The following MYO3A variants were observed in gnomAD, a reference collection of about 807,000 sequenced individuals.
MYO3A encodes the protein myosin-IIIa.
A neutral mutation model predicts 192.7 loss-of-function variants in MYO3A; 180 were observed. That is an observed-to-expected ratio of 0.93 (90% confidence interval 0.83 to 1.06). The LOEUF (loss-of-function observed/expected upper bound fraction) is 1.06, where lower values mean the gene tolerates loss of function less well. MYO3A is among the 50% of genes least tolerant of loss of function. MYO3A has a pLI of 0.00. For missense variants in MYO3A, 1,896 were observed against 1,905.0 expected, an observed-to-expected ratio of 1.00 and a Z score of 0.09; for synonymous variants, 628 against 645.3, an observed-to-expected ratio of 0.97 and a Z score of 0.41.
At chr10:25,936,702 T>A (rs1290587015) in intron 2 of MYO3A, among the ~76,000 whole-genome samples, 1 of 152,228 alleles carries the variant, frequency 6.6e-6, no homozygotes, top group African/African-American at 2.4e-5. Context: ...TAAAATCATC[T>A]ATCATTGGAC....
At chr10:26,092,790 C>T (rs915199487) in intron 15 of MYO3A, among the ~76,000 whole-genome samples, 8 of 152,158 alleles carry the variant, frequency 5.3e-5, no homozygotes, top group Non-Finnish European at 7.3e-5. Flanking sequence ...CCATGTCTGT[C>T]CCCAGGCGGT....
At chr10:26,105,383 T>G (rs896917777) in intron 17 of MYO3A, among the ~76,000 whole-genome samples, 12 of 152,176 alleles carry the variant, frequency 7.9e-5, no homozygotes, top group African/African-American at 2.9e-4. Context: ...TGTTGTGGCT[T>G]TTTAAATATT....
chr10:25,988,907 C>T (rs1328452282), intron 4 of MYO3A, among the ~76,000 whole-genome samples: 1 of 136,542 alleles, frequency 7.3e-6, no homozygotes, highest in East Asian at 2.1e-4. Context: ...CCCTACAGTG[C>T]TTTTAGAAGT....
At chr10:26,113,902 T>C (rs1521034) in intron 17 of MYO3A, among the ~76,000 whole-genome samples, 73,051 of 152,054 alleles carry the variant, frequency 0.48, 18,265 homozygotes, top group Middle Eastern at 0.59. Flanking sequence ...TCCTTCTAGT[T>C]TCTGCAGATT....
intron 15 of MYO3A, 81 bp from the exon 16 acceptor site, chr10:26,096,300 G>T (rs1588947424): frequency 9.3e-7 from 1 of 1,076,562 alleles, no homozygotes; most frequent in Non-Finnish European, 1.4e-6. Flanking sequence ...CACAGTCGTT[G>T]TTCAAATAAT....
At chr10:26,175,220 A>G (rs1282359797) in intron 30 of MYO3A, among the ~76,000 whole-genome samples, 2 of 152,168 alleles carry the variant, frequency 1.3e-5, no homozygotes, top group African/African-American at 4.8e-5. Context: ...GATACATACA[A>G]TTTATCTCTG....
At position 26,212,032 on chromosome 10, in the gene MYO3A, C is replaced by T; in HGVS notation, c.*69C>T. The T allele has an allele frequency of 6.4e-7, 1 of 1,563,464 alleles. No individual in the cohort carries two copies. Among genetic ancestry groups the T allele is most frequent in the South Asian group, 1.2e-5 (1 of 85,830 alleles). On this transcript the variant is annotated 3_prime_UTR_variant, in exon 35 of 35. Transcript: ENST00000642920. ...TGCGGGGCAGCAGGGGCCAAGCAGG[C>T]ACTCTGGGGCTGGCACCAGCAGGCA...
intron 17 of MYO3A, among the ~76,000 whole-genome samples, chr10:26,103,920 G>A (rs188180324): frequency 1.3e-5 from 2 of 152,256 alleles, no homozygotes; most frequent in Admixed American, 6.5e-5. Flanking sequence ...GAGGGTTTGG[G>A]TGAATTTACC....
chr10:26,016,804 T>C lies in MYO3A; in HGVS notation c.509-16T>C, dbSNP rs117238740. ...AGTAATTAATGCAAAAAAGTACATC[T>C]TGTCTCTTCCTCTAGGTGTGTCTGC... On this transcript the variant is annotated splice_polypyrimidine_tract_variant and intron_variant, in intron 6 of 34. Coordinates refer to ENST00000642920, the MANE Select transcript of MYO3A (RefSeq NM_017433.5). 23,719 of 1,613,060 alleles carry C rather than the reference T, an allele frequency of 0.015. 218 individuals are homozygous for C. Among genetic ancestry groups the C allele is most frequent in the Non-Finnish European group, 0.018 (20,900 of 1,179,002 alleles).
At chr10:26,042,825 G>C (rs1272071020) in intron 10 of MYO3A, among the ~76,000 whole-genome samples, 1 of 152,154 alleles carries the variant, frequency 6.6e-6, no homozygotes, top group Non-Finnish European at 1.5e-5. Flanking sequence ...GACTTACTTA[G>C]TTTATTTGGT....
chr10:25,997,867 G>C (rs1840551541), intron 6 of MYO3A, among the ~76,000 whole-genome samples: 1 of 152,144 alleles, frequency 6.6e-6, no homozygotes, highest in African/African-American at 2.4e-5. Flanking sequence ...ATCAACTTTG[G>C]AGCCTACCTT....
chr10:26,003,859 A>G (rs889351274), intron 6 of MYO3A, among the ~76,000 whole-genome samples: 6 of 152,142 alleles, frequency 3.9e-5, no homozygotes, highest in Non-Finnish European at 7.3e-5. Flanking sequence ...ATGACAGAAT[A>G]TTTTATGGTT....
intron 4 of MYO3A, among the ~76,000 whole-genome samples, chr10:25,957,149 G>A (rs1328034465): frequency 6.6e-6 from 1 of 152,100 alleles, no homozygotes; most frequent in Admixed American, 6.6e-5. Flanking sequence ...CATTGATAAG[G>A]TTTGGCTGTG....
At chr10:25,979,399 TTTC>T (rs1352285898) in intron 4 of MYO3A, among the ~76,000 whole-genome samples, 1 of 151,132 alleles carries the variant, frequency 6.6e-6, no homozygotes, top group Admixed American at 6.6e-5. Flanking sequence ...GAGAAAAGCT[TTTC>T]TTCTATTACC....
At chr10:26,030,963 A>G (rs192593456) in intron 10 of MYO3A, among the ~76,000 whole-genome samples, 1 of 152,330 alleles carries the variant, frequency 6.6e-6, no homozygotes, top group East Asian at 1.9e-4. Flanking sequence ...TACACTCCTC[A>G]AAAAACGGGA....
chr10:25,936,936 G>C (rs1836115011), intron 2 of MYO3A, among the ~76,000 whole-genome samples: 1 of 151,848 alleles, frequency 6.6e-6, no homozygotes, highest in Admixed American at 6.6e-5. Flanking sequence ...TGATATCTGA[G>C]GGTGATTAGA....
chr10:26,073,816 A>G (rs1049971770), intron 14 of MYO3A, among the ~76,000 whole-genome samples: 1 of 152,092 alleles, frequency 6.6e-6, no homozygotes, highest in East Asian at 1.9e-4. Context: ...TTATCAGGAA[A>G]TGGGGGTGGA....
intron 17 of MYO3A, among the ~76,000 whole-genome samples, chr10:26,119,932 G>C (rs1023421963): frequency 6.6e-6 from 1 of 151,192 alleles, no homozygotes; most frequent in Non-Finnish European, 1.5e-5. Flanking sequence ...AAGGTGGGCA[G>C]ATCGCTTGAG....
chr10:26,124,246 A>G (rs1839062301), intron 18 of MYO3A, among the ~76,000 whole-genome samples: 1 of 151,988 alleles, frequency 6.6e-6, no homozygotes, highest in Non-Finnish European at 1.5e-5. Flanking sequence ...AAATTGCTGA[A>G]TTTAGGCAAC....
Sources: allele counts gnomAD v4.1 joint callset (sites outside exome capture counted in the v4.1 genomes callset), GRCh38; gene constraint gnomAD v4.1.1; transcripts MANE v1.5; gene names NCBI Gene and HGNC (gene_info 2026-07-23, HGNC 2026-07-21).